Variants in CYP24A1 observed in about 807,000 individuals in gnomAD.
The protein encoded by CYP24A1 is cytochrome P450 family 24 subfamily A member 1, also known as 1,25-dihydroxyvitamin D(3) 24-hydroxylase, mitochondrial.
A neutral mutation model predicts 62.4 loss-of-function variants in CYP24A1; 68 were observed. The observed-to-expected ratio is 1.09, with a 90% CI of 0.90 to 1.33. The LOEUF is 1.33. Ranked by LOEUF, CYP24A1 falls within the 40% of genes most tolerant of loss-of-function variation. The pLI, the probability that CYP24A1 is intolerant of heterozygous loss-of-function variation, is 0.00. For synonymous variants in CYP24A1, 267 were observed against 253.0 expected (o/e 1.06, Z -0.52); for missense variants, 787 against 653.0 (o/e 1.21, Z -2.24).
Position 54,158,135 on chromosome 20 carries a change from C to T in CYP24A1, c.1187G>A (p.Arg396Gln), listed in dbSNP as rs143934667. The change falls in exon 9 of 12, where the codon CGG (arginine) becomes CAG (glutamine). Residue 396 changes from arginine to glutamine, a missense_variant. Transcript: ENST00000216862. The part of the protein sequence containing the change: ...RLTPSVPFTT[R>Q]TLDKATVLGE... ...CAGAACTGTTGCCTTGTCAAGAGTC[C>T]GAGTTGTAAATGGTACACTCGGCGT... is the stretch of plus-strand genomic sequence containing the variant. 5.1e-5 allele frequency: 82 copies of T among 1,613,772 alleles called. No homozygotes were observed. Among genetic ancestry groups the T allele is most frequent in the Non-Finnish European group, 6.4e-5 (76 of 1,180,002 alleles).
chr20:54,149,013 C>T (rs1006250291), downstream of CYP24A1, among the ~76,000 whole-genome samples: 1 of 152,196 alleles, frequency 6.6e-6, no homozygotes, highest in Non-Finnish European at 1.5e-5. Flanking sequence ...TGTTCTTCCC[C>T]ATCCTCCGTA....
intron 2 of CYP24A1, 162 bp downstream of exon 2, chr20:54,172,747 A>C: frequency 1.5e-5 from 22 of 1,477,720 alleles, no homozygotes; most frequent in Non-Finnish European, 2.0e-5. Flanking sequence ...AATCTGTACA[A>C]GAGCTCAGGG....
chr20:54,155,750 A>G (rs73622301), intron 11 of CYP24A1, among the ~76,000 whole-genome samples: 44,315 of 150,714 alleles, frequency 0.29, 7,619 homozygotes, highest in East Asian at 0.61. Context: ...AAAAAAAAAA[A>G]AAAAAAAAAT....
chr20:54,145,114 G>A, the CYP24A1 span, among the ~76,000 whole-genome samples: 12,950 of 152,018 alleles, frequency 0.085, 672 homozygotes, highest in South Asian at 0.21. Flanking sequence ...ATTCATTCTA[G>A]GTTAGTTGAT....
At chr20:54,156,933 C>A (rs890654342) in intron 11 of CYP24A1, among the ~76,000 whole-genome samples, 2 of 151,954 alleles carry the variant, frequency 1.3e-5, no homozygotes, top group African/African-American at 2.4e-5. Context: ...TGATGCCAGG[C>A]TCAGGAATAA....
At chr20:54,163,403 G>A (rs770239469) in intron 6 of CYP24A1, among the ~76,000 whole-genome samples, 9 of 152,130 alleles carry the variant, frequency 5.9e-5, no homozygotes, top group Non-Finnish European at 1.0e-4. Context: ...AAATCTAGGC[G>A]TGTACCTCCC....
rs779209362 is a variant in CYP24A1 at position 54,162,777 on chromosome 20, C to A, written c.930G>T (p.Arg310=). 6.3e-7 allele frequency: 1 copy of A among 1,579,530 alleles called. No homozygotes were observed. The highest frequency in any genetic ancestry group is 1.7e-5 in the Admixed American group (1 of 59,946). The change falls in exon 7 of 12, where the codon CGG becomes CGT. Residue 310 remains arginine, a synonymous_variant. Transcript: ENST00000216862. ...DFLCDIYHQN[R]LSKKELYAAV... is the part of the protein sequence containing the mutation. ...CAGCATACAATTCTTTCTTTGAAAG[C>A]CGATTCTGGTGATAAATGTCACAAA... is the stretch of plus-strand genomic sequence containing the variant.
At position 54,158,070 on chromosome 20, in the gene CYP24A1, T is replaced by C; in HGVS notation, c.1236+16A>G. 6.2e-7 allele frequency: 1 copy of C among 1,613,144 alleles called. No individual in the cohort carries two copies. Among genetic ancestry groups the C allele is most frequent in the Non-Finnish European group, 8.5e-7 (1 of 1,179,834 alleles). On this transcript the variant is annotated intron_variant, in intron 9 of 11. Coordinates refer to ENST00000216862, the MANE Select transcript of CYP24A1 (RefSeq NM_000782.5). The stretch of plus-strand genomic sequence containing the variant: ...CCAAGGTTTTGTAAGGTATAGAATA[T>C]ACAAATTCTACTTACTCCTTTGGGT...
At chr20:54,161,170 A>G (rs1003407797) in intron 7 of CYP24A1, among the ~76,000 whole-genome samples, 3 of 152,148 alleles carry the variant, frequency 2.0e-5, no homozygotes, top group Admixed American at 1.3e-4. Context: ...GACCACATTT[A>G]CTAGTTCTGT....
At chr20:54,167,956 A>G (rs1246304665) in intron 4 of CYP24A1, among the ~76,000 whole-genome samples, 5 of 152,124 alleles carry the variant, frequency 3.3e-5, no homozygotes, top group African/African-American at 7.2e-5. Context: ...CCGGTTACTT[A>G]CAGGCTAAAA....
chr20:54,168,415 T>G (rs892296378), intron 4 of CYP24A1, among the ~76,000 whole-genome samples: 13 of 152,156 alleles, frequency 8.5e-5, no homozygotes, highest in African/African-American at 3.1e-4. Context: ...CTGCCTTCTT[T>G]TTGACCTCAT....
chr20:54,158,830 T>C lies in CYP24A1; in HGVS notation c.1157+127A>G, dbSNP rs1006864648. On this transcript the variant is annotated intron_variant, in intron 8 of 11. Coordinates refer to ENST00000216862, the MANE Select transcript of CYP24A1 (RefSeq NM_000782.5). ...GAAAAGAAATATGGCTCCAAAGATT[T>C]TTTTGCAGTGTGATAATTGTTTCTA... 6.7e-5 allele frequency: 101 copies of C among 1,512,902 alleles called. 1 individual carries two copies. Among genetic ancestry groups the C allele is most frequent in the South Asian group, 9.8e-5 (8 of 81,516 alleles). 93.7% of individuals were successfully genotyped at this position (1,512,902 alleles called of 1,614,324 possible).
intron 11 of CYP24A1, among the ~76,000 whole-genome samples, chr20:54,155,698 T>C (rs1303521492): frequency 1.4e-5 from 2 of 143,882 alleles, no homozygotes; most frequent in Non-Finnish European, 3.0e-5. Context: ...GATTGCACCA[T>C]TGCACTCCAG....
Position 54,162,842 on chromosome 20 carries a change from G to C in CYP24A1, c.865C>G (p.Arg289Gly). The C allele has an allele frequency of 6.4e-7, 1 of 1,574,736 alleles. No individual in the cohort carries two copies. The highest frequency in any genetic ancestry group is 2.2e-5 in the East Asian group (1 of 44,696). The change falls in exon 7 of 12, where the codon CGG becomes GGG. Residue 289 changes from arginine to glycine, a missense_variant. By Grantham distance (125) the Arg-to-Gly change is moderately radical (BLOSUM62 -2). Coordinates refer to ENST00000216862, the MANE Select transcript of CYP24A1 (RefSeq NM_000782.5). ...GGCTGCTGAGAATACTTCTCTAACC[G>C]GTTGTCGATACAAGCTTTGACTATT... Reference protein sequence around the residue: ...FKSVKACIDNRLEKYSQQPSA... With the variant: ...FKSVKACIDNGLEKYSQQPSA...
In CYP24A1 at chr20:54,158,120, G is replaced by A. The variant is rs1459307238; in HGVS notation, c.1202C>T (p.Ala401Val). Residue 401 changes from alanine (A) to valine (V), a missense_variant, in exon 9 of 12, where the codon GCA becomes GTA. Ala to Val is a moderately conservative substitution (Grantham distance 64). Transcript: ENST00000216862. Reference sequence around the variant, plus strand: ...TAAAGCATATTCACCCAGAACTGTTGCCTTGTCAAGAGTCCGAGTTGTAAA... The same window carrying A: ...TAAAGCATATTCACCCAGAACTGTTACCTTGTCAAGAGTCCGAGTTGTAAA... Reference protein sequence around the residue: ...VPFTTRTLDKATVLGEYALPK... With the variant: ...VPFTTRTLDKVTVLGEYALPK... 6.2e-7 allele frequency: 1 copy of A among 1,613,982 alleles called. No individual in the cohort carries two copies.
intron 7 of CYP24A1, among the ~76,000 whole-genome samples, chr20:54,161,448 A>G (rs2092649937): frequency 6.6e-6 from 1 of 152,106 alleles, no homozygotes; most frequent in Non-Finnish European, 1.5e-5. Context: ...CCACTTGCAT[A>G]CAAGTTCCAT....
At chr20:54,165,999 A>AG (rs2092670559) in intron 4 of CYP24A1, among the ~76,000 whole-genome samples, 166 bp from the exon 5 acceptor site, 1 of 152,220 alleles carries the variant, frequency 6.6e-6, no homozygotes, top group Non-Finnish European at 1.5e-5. Flanking sequence ...TCTGAGAGAA[A>AG]GGGGACACCA....
At chr20:54,162,325 G>A (rs1568968917) in intron 7 of CYP24A1, among the ~76,000 whole-genome samples, 1 of 130,926 alleles carries the variant, frequency 7.6e-6, no homozygotes, top group African/African-American at 2.9e-5. Flanking sequence ...TTCCAATTTT[G>A]AAAAATCTGG....
At chr20:54,168,322 T>C (rs533606182) in intron 4 of CYP24A1, among the ~76,000 whole-genome samples, 1 of 152,308 alleles carries the variant, frequency 6.6e-6, no homozygotes, top group South Asian at 2.1e-4. Context: ...AGCGGTCATG[T>C]CCTCCCTCCC....
Sources: gnomAD v4.1 joint callset for allele counts (sites outside exome capture counted in the v4.1 genomes callset) on GRCh38, gnomAD v4.1.1 for gene constraint, MANE v1.5 for transcripts, NCBI Gene and HGNC (gene_info 2026-07-23, HGNC 2026-07-21) for gene names.